KIF5A: variants seen among roughly 807,000 people sequenced by gnomAD.
The protein encoded by KIF5A is kinesin heavy chain isoform 5A.
KIF5A carries 35 observed loss-of-function variants against 141.3 expected under a neutral mutation model. That is an observed-to-expected ratio of 0.25 (90% CI 0.19 to 0.33). The LOEUF is 0.33. KIF5A is among the 10% of genes least tolerant of loss of function. KIF5A has a pLI of 1.00. For missense variants in KIF5A, 861 were observed against 1,314.3 expected (o/e 0.66, Z 5.33); for synonymous variants, 448 against 500.2 (o/e 0.90, Z 1.39).
intron 20 of KIF5A, among the ~76,000 whole-genome samples, chr12:57,577,226 A>G (rs1361623370): frequency 6.6e-6 from 1 of 152,228 alleles, no homozygotes; most frequent in Non-Finnish European, 1.5e-5. Flanking sequence ...TAGGCTTTTT[A>G]TAAAAACTCA....
intron 6 of KIF5A, among the ~76,000 whole-genome samples, chr12:57,566,900 C>T (rs1051538440): frequency 2.6e-5 from 4 of 151,678 alleles, no homozygotes; most frequent in Non-Finnish European, 5.9e-5. Context: ...ATTAGCCGGG[C>T]GTGTTGGCTC....
At chr12:57,555,585 C>T (rs1040529265) in intron 1 of KIF5A, among the ~76,000 whole-genome samples, 4 of 140,942 alleles carry the variant, frequency 2.8e-5, no homozygotes, top group Admixed American at 7.2e-5. Context: ...AGCAAGACTC[C>T]GTCTCAAAAA....
In KIF5A at chr12:57,576,778, A is replaced by G. The variant is rs2140168633; in HGVS notation, c.2216A>G (p.Gln739Arg). 6.2e-7 allele frequency: 1 copy of G among 1,613,508 alleles called. No homozygotes were observed. The highest frequency in any genetic ancestry group is 1.1e-5 in the South Asian group (1 of 91,036). ...DELKDLNQKLQLELEKLQADY... is the reference protein window; with the variant it reads ...DELKDLNQKLRLELEKLQADY... ...CTCTGTAGCCTAAATCAGAAGCTCC[A>G]GTTAGAGCTAGAGAAGCTTCAGGCT... Residue 739 changes from glutamine (Q) to arginine (R), a missense_variant, in exon 20 of 29, where the codon CAG becomes CGG. Physicochemically the swap from Gln to Arg is conservative, Grantham distance 43 (BLOSUM62 1). This residue lies in a region of KIF5A where 482 missense variants were observed against 661.3 expected (regional missense o/e 0.73). Coordinates refer to ENST00000455537, the MANE Select transcript of KIF5A (RefSeq NM_004984.4).
At chr12:57,578,197 G>T in intron 22 of KIF5A, 41 bp from the exon 23 acceptor site, 1 of 1,591,660 alleles carries the variant, frequency 6.3e-7, no homozygotes, top group Non-Finnish European at 8.6e-7. Context: ...GGACCTGTTT[G>T]GCCTCAGGAC....
chr12:57,575,047 A>G (rs374583624), intron 15 of KIF5A, 37 bp from the exon 16 acceptor site: 88 of 1,597,278 alleles, frequency 5.5e-5, no homozygotes, highest in Non-Finnish European at 6.9e-5. Flanking sequence ...GCTTCCCAGC[A>G]GCCAAGAAGC....
chr12:57,576,167 G>A lies in KIF5A; in HGVS notation c.2088+16G>A. ...TGAAGTGAAGGTGAGTAAGGAAGGT[G>A]TCAGGGACAATTGGGGCCTGGTGTG... On this transcript the variant is annotated intron_variant, in intron 18 of 28. Coordinates refer to ENST00000455537, the MANE Select transcript of KIF5A (RefSeq NM_004984.4). 3.1e-6 allele frequency: 5 copies of A among 1,613,898 alleles called. No homozygotes were observed. Among genetic ancestry groups the A allele is most frequent in the Non-Finnish European group, 4.2e-6 (5 of 1,179,746 alleles).
intron 1 of KIF5A, among the ~76,000 whole-genome samples, chr12:57,559,561 G>A (rs1881849555): frequency 6.6e-6 from 1 of 152,098 alleles, no homozygotes; most frequent in African/African-American, 2.4e-5. Context: ...TTTACATACA[G>A]TGTACAGATC....
In KIF5A at chr12:57,550,068, C is replaced by A. The variant is rs901819333; in HGVS notation, c.-204C>A. 9.7e-6 allele frequency: 6 copies of A among 619,368 alleles called. No homozygotes were observed. Among genetic ancestry groups the A allele is most frequent in the East Asian group, 2.9e-5 (1 of 34,830 alleles). The allele number at this position is 619,368 out of a possible 1,614,324, so 38.4% of individuals were successfully genotyped here. On this transcript the variant is annotated 5_prime_UTR_variant, in exon 1 of 29. Coordinates refer to ENST00000455537, the MANE Select transcript of KIF5A (RefSeq NM_004984.4). This position sits in a 1 kb window ranked among gnomAD's most constrained non-coding sequence, Gnocchi z 4.6. ...CAGAGAGCCCGAAAGGACCAGACGC[C>A]CAGGTCGCCCGCATCCCGCTGCCGC...
At position 57,569,995 on chromosome 12, in the gene KIF5A, G is replaced by A; in HGVS notation, c.1126G>A (p.Val376Met). ...GTCTTGCCCCTTTGCAGGAGAGAAT[G>A]TGCCTGAGACAGAGCGCCTGGCTGG... The part of the protein sequence containing the change: ...ELSRWRNGEN[V>M]PETERLAGEE... The change falls in exon 12 of 29, where the codon GTG becomes ATG. Residue 376 changes from valine (V) to methionine (M), a missense_variant. Transcript: ENST00000455537. The A allele has an allele frequency of 6.2e-7, 1 of 1,613,422 alleles. No individual in the cohort carries two copies. Among genetic ancestry groups the A allele is most frequent in the Non-Finnish European group, 8.5e-7 (1 of 1,179,480 alleles).
At position 57,578,076 on chromosome 12, in the gene KIF5A, A is replaced by G; in HGVS notation, c.2429A>G (p.Lys810Arg). ...LFVQDVTTRVKKSAEMEPEDS... is the reference protein window; with the variant it reads ...LFVQDVTTRVRKSAEMEPEDS... Reference sequence around the variant, plus strand: ...GTTCAAGACGTCACGACTCGAGTCAAGAAAGTGAGTGCTGTCCTTGGGGTT... The same window carrying G: ...GTTCAAGACGTCACGACTCGAGTCAGGAAAGTGAGTGCTGTCCTTGGGGTT... Residue 810 changes from lysine to arginine, a missense_variant, in exon 22 of 29, where the codon AAG becomes AGG. By Grantham distance (26) the Lys-to-Arg change is conservative (BLOSUM62 2). Transcript: ENST00000455537. The G allele has an allele frequency of 6.2e-7, 1 of 1,613,978 alleles. No individual in the cohort carries two copies. The highest frequency in any genetic ancestry group is 1.1e-5 in the South Asian group (1 of 91,084).
chr12:57,556,036 A>G (rs1398661543), intron 1 of KIF5A, among the ~76,000 whole-genome samples: 2 of 152,140 alleles, frequency 1.3e-5, no homozygotes, highest in Non-Finnish European at 2.9e-5. Context: ...CCAAGAATAC[A>G]GAAGTAGGTA....
At chr12:57,561,541 G>C (rs1270830954) in intron 1 of KIF5A, among the ~76,000 whole-genome samples, 1 of 151,806 alleles carries the variant, frequency 6.6e-6, no homozygotes, top group Non-Finnish European at 1.5e-5. Context: ...AGAGAGACTG[G>C]ATAAATATTT....
At position 57,572,703 on chromosome 12, in the gene KIF5A, G is replaced by T; in HGVS notation, c.1693G>T (p.Val565Leu). ...GGATCTGAGCGAGTTCAGTGTCATT[G>T]TGGGCAACGGGGAGATTAAGCTGGT... is the stretch of plus-strand genomic sequence containing the variant. ...MKDLSEFSVI[V>L]GNGEIKLPVE... The change falls in exon 15 of 29, where the codon GTG becomes TTG. Residue 565 changes from valine to leucine, a missense_variant. Transcript: ENST00000455537. This position sits in a 1 kb window ranked among gnomAD's most constrained non-coding sequence, Gnocchi z 4.2. 4 of 1,614,228 alleles carry T rather than the reference G, an allele frequency of 2.5e-6. No homozygotes were observed. The highest frequency in any genetic ancestry group is 3.4e-6 in the Non-Finnish European group (4 of 1,180,040).
At chr12:57,553,236 C>G (rs1881632264) in intron 1 of KIF5A, among the ~76,000 whole-genome samples, 1 of 152,154 alleles carries the variant, frequency 6.6e-6, no homozygotes, top group Admixed American at 6.5e-5. Flanking sequence ...GGAGGGATGA[C>G]AGTGAAGAAA....
intron 1 of KIF5A, among the ~76,000 whole-genome samples, chr12:57,562,156 A>T (rs187831161): frequency 3.3e-5 from 5 of 152,312 alleles, no homozygotes; most frequent in African/African-American, 9.6e-5. Flanking sequence ...TTATCAGCAC[A>T]TGTGATTTAC....
chr12:57,556,384 C>T (rs1331141024), intron 1 of KIF5A, among the ~76,000 whole-genome samples: 4 of 151,952 alleles, frequency 2.6e-5, no homozygotes, highest in East Asian at 3.9e-4. Context: ...GTGATCCACC[C>T]GCCTCGGCCT....
chr12:57,576,298 C>A lies in KIF5A; in HGVS notation c.2118C>A (p.His706Gln). 2 of 1,614,050 alleles carry A rather than the reference C, an allele frequency of 1.2e-6. No individual in the cohort carries two copies. Among genetic ancestry groups the A allele is most frequent in the Non-Finnish European group, 1.7e-6 (2 of 1,179,954 alleles). The change falls in exon 19 of 29, where the codon CAC becomes CAA. Residue 706 changes from histidine to glutamine, a missense_variant. By Grantham distance (24) the His-to-Gln change is conservative. Coordinates refer to ENST00000455537, the MANE Select transcript of KIF5A (RefSeq NM_004984.4). ...KKALELQMESHREAHHRQLAR... is the reference protein window; with the variant it reads ...KKALELQMESQREAHHRQLAR... The stretch of plus-strand genomic sequence containing the variant: ...CTCTGGAGCTGCAGATGGAGAGTCA[C>A]CGGGAGGCCCATCACCGGCAGCTGG...
At chr12:57,552,158 A>T (rs1462375830) in intron 1 of KIF5A, among the ~76,000 whole-genome samples, 1 of 152,134 alleles carries the variant, frequency 6.6e-6, no homozygotes, top group Non-Finnish European at 1.5e-5. Context: ...GAGGGTGATG[A>T]TGGGGGCAAA....
intron 6 of KIF5A, among the ~76,000 whole-genome samples, chr12:57,566,368 T>G (rs1882065008): frequency 6.7e-6 from 1 of 149,606 alleles, no homozygotes; most frequent in South Asian, 2.1e-4. Flanking sequence ...CCTCCCAGTG[T>G]GCTGGCATTA....
Sources: gnomAD v4.1 joint callset for allele counts (sites outside exome capture counted in the v4.1 genomes callset) on GRCh38, gnomAD v4.1.1 for gene constraint, gnomAD v4.1.1 regional missense constraint, Gnocchi (gnomAD v3.1) non-coding constraint, MANE v1.5 for transcripts, NCBI Gene and HGNC (gene_info 2026-07-23, HGNC 2026-07-21) for gene names.